Variants in VPS37A observed in about 807,000 individuals in gnomAD.
VPS37A encodes the protein VPS37A subunit of ESCRT-I, also known as vacuolar protein sorting-associated protein 37A.
Under a neutral mutation model 49.8 loss-of-function variants are expected in VPS37A, and 30 were observed. The observed-to-expected ratio is 0.60, with a 90% CI of 0.45 to 0.82. VPS37A has a LOEUF of 0.82. Ranked by LOEUF, VPS37A falls within the 40% of genes least tolerant of loss-of-function variation. The pLI is 0.00. For synonymous variants in VPS37A, 195 were observed against 160.6 expected, an observed-to-expected ratio of 1.21 and a Z score of -1.62; for missense variants, 593 against 464.4, an observed-to-expected ratio of 1.28 and a Z score of -2.55.
chr8:17,333,185 G>T, the VPS37A span, among the ~76,000 whole-genome samples: 1 of 151,908 alleles, frequency 6.6e-6, no homozygotes, highest in Non-Finnish European at 1.5e-5. Context: ...TCCACAAAAG[G>T]GTGTCATCTT....
chr8:17,279,926 A>G (rs551561454), intron 6 of VPS37A, 102 bp from the exon 7 acceptor site: 2 of 1,470,362 alleles, frequency 1.4e-6, no homozygotes, highest in Non-Finnish European at 1.9e-6. Context: ...AAAATTATTT[A>G]GAACCCTATC....
At chr8:17,267,723 C>CA (rs1360262850) in intron 2 of VPS37A, among the ~76,000 whole-genome samples, 1 of 152,176 alleles carries the variant, frequency 6.6e-6, no homozygotes, top group African/African-American at 2.4e-5. Context: ...GATGAGGTCT[C>CA]ACTGTGTTGC....
chr8:17,309,265 A>C, the VPS37A span: 3 of 1,496,444 alleles, frequency 2.0e-6, no homozygotes, highest in Non-Finnish European at 1.9e-6. Context: ...AACAGTCTTA[A>C]ATATTACTTA....
chr8:17,279,226 G>GT (rs1814802325), intron 6 of VPS37A, among the ~76,000 whole-genome samples: 1 of 152,076 alleles, frequency 6.6e-6, no homozygotes, highest in Non-Finnish European at 1.5e-5. Context: ...AGCAGAGACT[G>GT]TTTATCTTGT....
At chr8:17,286,184 C>T (rs1377764095) in intron 10 of VPS37A, among the ~76,000 whole-genome samples, 163 bp from the exon 11 acceptor site, 1 of 152,116 alleles carries the variant, frequency 6.6e-6, no homozygotes, top group African/African-American at 2.4e-5. Context: ...AATGAATTTG[C>T]TCATAATTTG....
Position 17,295,096 on chromosome 8 carries a change from T to C in VPS37A, c.*110T>C, listed in dbSNP as rs1342537939. On this transcript the variant is annotated 3_prime_UTR_variant, in exon 12 of 12. Coordinates refer to ENST00000324849, the MANE Select transcript of VPS37A (RefSeq NM_152415.3). ...TTTCATCAGTGGCTAAATTCACAGA[T>C]ATCCTATATAGATTGTATACAGAAC... 6.5e-6 allele frequency: 1 copy of C among 152,680 alleles called. No homozygotes were observed. Among genetic ancestry groups the C allele is most frequent in the Non-Finnish European group, 1.5e-5 (1 of 68,036 alleles). 9.5% of individuals were successfully genotyped at this position (152,680 alleles called of 1,614,324 possible).
chr8:17,295,134 T>C lies in VPS37A; in HGVS notation c.*148T>C, dbSNP rs1816526896. On this transcript the variant is annotated 3_prime_UTR_variant, in exon 12 of 12. Transcript: ENST00000324849. ...TTGTATACAGAACTGAGACTGATTT[T>C]GTACCGATTAGAATGATTGCTATGA... is the stretch of plus-strand genomic sequence containing the variant. The C allele has an allele frequency of 5.9e-5, 9 of 152,650 alleles. No individual in the cohort carries two copies. The highest frequency in any genetic ancestry group is 5.2e-4 in the Admixed American group (8 of 15,284). The allele number at this position is 152,650 out of a possible 1,614,324, so 9.5% of individuals were successfully genotyped here.
At chr8:17,271,554 C>T (rs759870593) in intron 4 of VPS37A, among the ~76,000 whole-genome samples, 6 of 151,920 alleles carry the variant, frequency 3.9e-5, no homozygotes, top group South Asian at 4.2e-4. Context: ...TGCAGTGAGC[C>T]GAGATCACGC....
the VPS37A span, among the ~76,000 whole-genome samples, chr8:17,310,888 A>G: frequency 1.3e-5 from 2 of 152,018 alleles, no homozygotes; most frequent in African/African-American, 2.4e-5. Flanking sequence ...AGATTAGTGA[A>G]AACTTCACCA....
chr8:17,276,601 G>A, intron 6 of VPS37A, 134 bp downstream of exon 6: 2 of 871,056 alleles, frequency 2.3e-6, no homozygotes, highest in Non-Finnish European at 3.4e-6. Context: ...TTGCCTTAGT[G>A]GGATTTAAAA....
At chr8:17,322,479 G>A in the VPS37A span, among the ~76,000 whole-genome samples, 12 of 152,148 alleles carry the variant, frequency 7.9e-5, no homozygotes, top group African/African-American at 2.9e-4. Context: ...CACGTGGTAA[G>A]GAAAAGTGAG....
chr8:17,266,109 A>C (rs1813422649), intron 2 of VPS37A, 128 bp downstream of exon 2: 1 of 781,132 alleles, frequency 1.3e-6, no homozygotes, highest in African/African-American at 1.8e-5. Flanking sequence ...AAAATAGTGC[A>C]CAATTCAGTG....
intron 11 of VPS37A, among the ~76,000 whole-genome samples, chr8:17,288,097 A>G (rs1055718656): frequency 2.6e-5 from 4 of 152,198 alleles, no homozygotes; most frequent in Non-Finnish European, 5.9e-5. Context: ...GATTTTTGAT[A>G]CCAACTTTGC....
chr8:17,274,842 G>T lies in VPS37A; in HGVS notation c.526G>T (p.Ala176Ser), dbSNP rs1346953622. ...ANRSITSLSV[A>S]DTVSSSTTSH... is the part of the protein sequence containing the mutation. The stretch of plus-strand genomic sequence containing the variant: ...CAGGAGTATCACTTCTTTATCTGTT[G>T]CTGACACTGTTTCTTCTTCAACAAC... The change falls in exon 5 of 12, where the codon GCT (alanine) becomes TCT (serine). Residue 176 changes from alanine (A) to serine (S), a missense_variant. Coordinates refer to ENST00000324849, the MANE Select transcript of VPS37A (RefSeq NM_152415.3). The T allele has an allele frequency of 1.9e-6, 3 of 1,613,884 alleles. No individual in the cohort carries two copies. The highest frequency in any genetic ancestry group is 2.7e-5 in the African/African-American group (2 of 74,852).
At chr8:17,263,917 G>T (rs1465872500) in intron 1 of VPS37A, among the ~76,000 whole-genome samples, 1 of 152,050 alleles carries the variant, frequency 6.6e-6, no homozygotes, top group Non-Finnish European at 1.5e-5. Flanking sequence ...CTCCAGCCTG[G>T]GCAACAGAGC....
rs907441225 is a variant in VPS37A, at chr8:17,247,743, T to C, written c.125+374T>C. On this transcript the variant is annotated intron_variant, in intron 1 of 11. Transcript: ENST00000324849. Reference sequence around the variant, plus strand: ...TGCCGCGTCAGCAGAATTGTTAAAATACAATTGTGAAGAGTAATCTCCAGG... The same window carrying C: ...TGCCGCGTCAGCAGAATTGTTAAAACACAATTGTGAAGAGTAATCTCCAGG... 4 of 702,486 alleles carry C rather than the reference T, an allele frequency of 5.7e-6. No individual in the cohort carries two copies. In the African/African-American group the frequency reaches 7.0e-5, roughly 12 times the overall value. 43.5% of individuals were successfully genotyped at this position (702,486 alleles called of 1,614,324 possible).
At chr8:17,266,096 T>C in intron 2 of VPS37A, 115 bp downstream of exon 2, 1 of 853,886 alleles carries the variant, frequency 1.2e-6, no homozygotes. Context: ...AACTATAATT[T>C]ATAAAATAGT....
chr8:17,276,567 C>A, intron 6 of VPS37A, 100 bp downstream of exon 6: 1 of 1,168,442 alleles, frequency 8.6e-7, no homozygotes, highest in Non-Finnish European at 1.2e-6. Context: ...TTAAAATTTT[C>A]ACTAATCCTA....
downstream of VPS37A, chr8:17,298,666 A>AAT (rs1274780965): frequency 2.6e-5 from 4 of 152,556 alleles, no homozygotes; most frequent in African/African-American, 9.7e-5. Flanking sequence ...AGAATGTACT[A>AAT]ATATATTAAA....
Sources: allele counts gnomAD v4.1 joint callset (sites outside exome capture counted in the v4.1 genomes callset), GRCh38; gene constraint gnomAD v4.1.1; transcripts MANE v1.5; gene names NCBI Gene and HGNC (gene_info 2026-07-23, HGNC 2026-07-21).